The following FADS3 variants were observed in gnomAD, a reference collection of about 807,000 sequenced individuals.
FADS3 encodes the protein fatty acid desaturase 3.
Under a neutral mutation model 60.4 loss-of-function variants are expected in FADS3, and 30 were observed. That is an observed-to-expected ratio of 0.50 (90% CI 0.37 to 0.67). FADS3 has a LOEUF of 0.67. FADS3 is among the 30% of genes least tolerant of loss of function. The pLI is 0.00. For synonymous variants in FADS3, 234 were observed against 249.3 expected, an observed-to-expected ratio of 0.94 and a Z score of 0.58; for missense variants, 432 against 598.3, an observed-to-expected ratio of 0.72 and a Z score of 2.90.
chr11:61,875,556 A>C (rs1464370645), intron 11 of FADS3, among the ~76,000 whole-genome samples: 1 of 152,126 alleles, frequency 6.6e-6, no homozygotes, highest in African/African-American at 2.4e-5. Flanking sequence ...TCTGTTTATG[A>C]GTCCCTGTTA....
intron 1 of FADS3, among the ~76,000 whole-genome samples, chr11:61,889,507 C>G (rs1429585607): frequency 6.6e-6 from 1 of 151,966 alleles, no homozygotes; most frequent in African/African-American, 2.4e-5. Flanking sequence ...ATATGCTGGG[C>G]GTGGTGGCGC....
At chr11:61,884,205 G>A (rs541439511) in intron 1 of FADS3, among the ~76,000 whole-genome samples, 25 of 152,292 alleles carry the variant, frequency 1.6e-4, no homozygotes, top group Non-Finnish European at 2.4e-4. Context: ...CCATTTGACC[G>A]AGGTTAGATC....
chr11:61,877,203 A>G lies in FADS3; in HGVS notation c.886-240T>C, dbSNP rs1937928479. 3 of 552,146 alleles carry G rather than the reference A, an allele frequency of 5.4e-6. No homozygotes were observed. Among genetic ancestry groups the G allele is most frequent in the Non-Finnish European group, 9.7e-6 (3 of 308,424 alleles). 34.2% of individuals were successfully genotyped at this position (552,146 alleles called of 1,614,324 possible). On this transcript the variant is annotated intron_variant, in intron 7 of 11. Transcript: ENST00000278829. This position sits in a 1 kb window ranked among gnomAD's most constrained non-coding sequence, Gnocchi z 4.7. ...TGTCATGCAGGGTGTGTTGGGGAAG[A>G]CCCTGCCAGGGACACAGATGCCTGG... is the stretch of plus-strand genomic sequence containing the variant.
chr11:61,887,530 G>A (rs976824598), intron 1 of FADS3, among the ~76,000 whole-genome samples: 2 of 152,122 alleles, frequency 1.3e-5, no homozygotes, highest in Non-Finnish European at 2.9e-5. Context: ...CAAACATCCA[G>A]CATGAGCCAG....
chr11:61,880,048 G>A lies in FADS3; in HGVS notation c.317C>T (p.Pro106Leu), dbSNP rs1938070655. 6.2e-7 allele frequency: 1 copy of A among 1,613,206 alleles called. No individual in the cohort carries two copies. Among genetic ancestry groups the A allele is most frequent in the South Asian group, 1.1e-5 (1 of 91,046 alleles). ...LAPEEPSQDG[P>L]LNAQLVEDFR... Reference sequence around the variant, plus strand: ...CCTAGGGCTCTGGCTCACATTCAGGGGTCCATCCTGGCTGGGTTCTTCCGG... The same window carrying A: ...CCTAGGGCTCTGGCTCACATTCAGGAGTCCATCCTGGCTGGGTTCTTCCGG... The change falls in exon 2 of 12, where the codon CCC (proline) becomes CTC (leucine). Residue 106 changes from proline to leucine, a missense_variant. Physicochemically the swap from Pro to Leu is moderately conservative, Grantham distance 98 (BLOSUM62 -3). Coordinates refer to ENST00000278829, the MANE Select transcript of FADS3 (RefSeq NM_021727.5).
In FADS3 at chr11:61,876,339, GC is replaced by G. The variant is rs529609426; in HGVS notation, c.1080+19del. The G allele has an allele frequency of 1.9e-3, 3,045 of 1,610,228 alleles. 46 individuals carry two copies. The African/African-American group carries it at 0.033, about 18-fold the overall frequency. ...GGACCCCCCACCCCACCCAGGATGG[GC>G]CCCACCCCTGCTGCCCACCTGAGAG... On this transcript the variant is annotated intron_variant, in intron 9 of 11. Coordinates refer to ENST00000278829, the MANE Select transcript of FADS3 (RefSeq NM_021727.5). This position sits in a 1 kb window ranked among gnomAD's most constrained non-coding sequence, Gnocchi z 5.7.
chr11:61,878,123 C>G lies in FADS3; in HGVS notation c.808+32G>C, dbSNP rs759215085. ...GGAGGACAGTGCAGGCCCAGGCACT[C>G]CCCCACCCCAGAAGGACAGATGGAC... On this transcript the variant is annotated intron_variant, in intron 6 of 11. Transcript: ENST00000278829. 6.5e-5 allele frequency: 105 copies of G among 1,603,626 alleles called. No homozygotes were observed. The Middle Eastern group carries it at 8.3e-4, about 13-fold the overall frequency.
upstream of FADS3, chr11:61,891,900 C>T (rs1250813787): frequency 2.0e-5 from 3 of 152,292 alleles, no homozygotes; most frequent in Non-Finnish European, 4.4e-5. Flanking sequence ...CCTCGGGAAC[C>T]GGAGGCGGAG....
Position 61,877,788 on chromosome 11 carries a change from C to T in FADS3, c.809-201G>A, listed in dbSNP as rs1400514029. ...CCTTACCCCACCACCTCCCACCACC[C>T]TTCACCGCAAGTCAGGGCCAGACTT... On this transcript the variant is annotated intron_variant, in intron 6 of 11. Coordinates refer to ENST00000278829, the MANE Select transcript of FADS3 (RefSeq NM_021727.5). This position sits in a 1 kb window ranked among gnomAD's most constrained non-coding sequence, Gnocchi z 4.7. 2 of 608,862 alleles carry T rather than the reference C, an allele frequency of 3.3e-6. No individual in the cohort carries two copies. Among genetic ancestry groups the T allele is most frequent in the Non-Finnish European group, 5.9e-6 (2 of 341,548 alleles). 37.7% of individuals were successfully genotyped at this position (608,862 alleles called of 1,614,324 possible). A position where few individuals can be genotyped will look rare whatever the true frequency, so the allele number is the denominator to read the frequency against.
chr11:61,891,217 G>A lies in FADS3; in HGVS notation c.165C>T (p.His55=). ...GGCCGATGAGGCGGCTGCCCCCTGG[G>A]TGCCGCTGTGCCCAGCGGCTGATGT... ...VYDISRWAQR[H]PGGSRLIGHH... Residue 55 remains histidine (H), a synonymous_variant, in exon 1 of 12, where the codon CAC becomes CAT. Coordinates refer to ENST00000278829, the MANE Select transcript of FADS3 (RefSeq NM_021727.5). The A allele has an allele frequency of 3.9e-6, 6 of 1,556,192 alleles. No homozygotes were observed. Among genetic ancestry groups the A allele is most frequent in the Non-Finnish European group, 5.2e-6 (6 of 1,151,446 alleles).
Position 61,876,356 on chromosome 11 carries a change from C to T in FADS3, c.1080+3G>A. On this transcript the variant is annotated splice_donor_region_variant and intron_variant, in intron 9 of 11. Transcript: ENST00000278829. The surrounding 1 kb of genome is among the most constrained non-coding windows in gnomAD (Gnocchi z 5.7). ...CAGGATGGGCCCCACCCCTGCTGCC[C>T]ACCTGAGAGCTGACCCAGTCCCGGT... 6.2e-7 allele frequency: 1 copy of T among 1,612,706 alleles called. No individual in the cohort carries two copies. Among genetic ancestry groups the T allele is most frequent in the Non-Finnish European group, 8.5e-7 (1 of 1,179,900 alleles).
intron 5 of FADS3, 120 bp from the exon 6 acceptor site, chr11:61,878,335 G>T: frequency 1.5e-6 from 2 of 1,366,124 alleles, no homozygotes; most frequent in Non-Finnish European, 1.0e-6. Flanking sequence ...TAGCAAGCGG[G>T]CTGGTCGTCC....
At chr11:61,888,165 C>T (rs1253703716) in intron 1 of FADS3, among the ~76,000 whole-genome samples, 1 of 152,256 alleles carries the variant, frequency 6.6e-6, no homozygotes, top group East Asian at 1.9e-4. Context: ...CTCCCCAGGG[C>T]ACCCGGCCTT....
At position 61,876,538 on chromosome 11, in the gene FADS3, A is replaced by G. The variant is rs924515810; in HGVS notation, c.984-83T>C. On this transcript the variant is annotated intron_variant, in intron 8 of 11. Transcript: ENST00000278829. The surrounding 1 kb of genome is among the most constrained non-coding windows in gnomAD (Gnocchi z 5.7). ...GGAGGCTGGAGAGCAGCTGTCCCCA[A>G]GTGGCCTTGACTTCCTTATCTGTAC... 6.7e-5 allele frequency: 76 copies of G among 1,141,036 alleles called. No individual in the cohort carries two copies. Among genetic ancestry groups the G allele is most frequent in the Admixed American group, 2.9e-4 (17 of 58,824 alleles). The allele number at this position is 1,141,036 out of a possible 1,614,324, so 70.7% of individuals were successfully genotyped here.
At chr11:61,882,796 C>T (rs1453292513) in intron 1 of FADS3, among the ~76,000 whole-genome samples, 1 of 152,146 alleles carries the variant, frequency 6.6e-6, no homozygotes, top group Non-Finnish European at 1.5e-5. Context: ...GTGGCATGAT[C>T]TCGGCTTACT....
chr11:61,888,977 C>A (rs1938404109), intron 1 of FADS3, among the ~76,000 whole-genome samples: 1 of 152,188 alleles, frequency 6.6e-6, no homozygotes, highest in South Asian at 2.1e-4. Flanking sequence ...CTCACCGGAA[C>A]CTCCGTCTCC....
chr11:61,877,658 G>A lies in FADS3; in HGVS notation c.809-71C>T, dbSNP rs1446559390. On this transcript the variant is annotated intron_variant, in intron 6 of 11. Transcript: ENST00000278829. This position sits in a 1 kb window ranked among gnomAD's most constrained non-coding sequence, Gnocchi z 4.7. ...CAAGGTGAGTGGGCGCCAGAGTGAG[G>A]GGCTCTGTTACTCCAGGAATGCCCC... The A allele has an allele frequency of 1.4e-6, 2 of 1,399,032 alleles. No homozygotes were observed. Among genetic ancestry groups the A allele is most frequent in the Non-Finnish European group, 2.0e-6 (2 of 1,001,728 alleles). 86.7% of individuals were successfully genotyped at this position (1,399,032 alleles called of 1,614,324 possible).
In FADS3 at chr11:61,880,112, G is replaced by A. The variant is rs746101447; in HGVS notation, c.253C>T (p.Arg85Cys). Residue 85 changes from arginine to cysteine, a missense_variant, in exon 2 of 12, where the codon CGC becomes TGC. Transcript: ENST00000278829. ...ATCAACAGGGGCTGTAGGAACTTGC[G>A]CACAAAATTGAGATCTTGATGGAAG... ...RAFHQDLNFV[R>C]KFLQPLLIGE... The A allele has an allele frequency of 8.1e-6, 13 of 1,613,978 alleles. No homozygotes were observed. In the Admixed American group the frequency reaches 1.3e-4, roughly 17 times the overall value.
rs763063722 is a variant in FADS3, at chr11:61,873,760, G to T, written c.*54C>A. 5 of 1,420,140 alleles carry T rather than the reference G, an allele frequency of 3.5e-6. No individual in the cohort carries two copies. Among genetic ancestry groups the T allele is most frequent in the African/African-American group, 1.4e-5 (1 of 71,182 alleles). The allele number at this position is 1,420,140 out of a possible 1,614,324, so 88.0% of individuals were successfully genotyped here. On this transcript the variant is annotated 3_prime_UTR_variant, in exon 12 of 12. Transcript: ENST00000278829. ...GGTGAGGGTATCGATCCCGCCGGGGGCTGGCTTGGTTGCTGGTGCCCTGAG... is the reference window on the plus strand; with the variant it reads ...GGTGAGGGTATCGATCCCGCCGGGGTCTGGCTTGGTTGCTGGTGCCCTGAG...
Sources: gnomAD v4.1 joint callset for allele counts (sites outside exome capture counted in the v4.1 genomes callset) on GRCh38, gnomAD v4.1.1 for gene constraint, Gnocchi (gnomAD v3.1) non-coding constraint, MANE v1.5 for transcripts, NCBI Gene and HGNC (gene_info 2026-07-23, HGNC 2026-07-21) for gene names.